POLE: variants seen among roughly 807,000 people sequenced by gnomAD.
POLE encodes DNA polymerase epsilon, catalytic subunit.
A neutral mutation model predicts 279.2 loss-of-function variants in POLE; 188 were observed. The ratio of observed to expected loss-of-function variants is 0.67; its 90% CI spans 0.60 to 0.76. The LOEUF (loss-of-function observed/expected upper bound fraction) is 0.76, where lower values mean the gene tolerates loss of function less well. Ranked by LOEUF, POLE falls within the 30% of genes least tolerant of loss-of-function variation. The pLI is 0.00. For synonymous variants in POLE, 1,214 were observed against 1,172.5 expected, an observed-to-expected ratio of 1.04 and a Z score of -0.72; for missense variants, 2,703 against 3,016.7, an observed-to-expected ratio of 0.90 and a Z score of 2.44.
intron 16 of POLE, among the ~76,000 whole-genome samples, chr12:132,669,759 G>A (rs965088079): frequency 1.3e-5 from 2 of 152,186 alleles, no homozygotes; most frequent in Admixed American, 6.5e-5. Flanking sequence ...TTCCATGGTG[G>A]GGACACCACC....
rs185739594 is a variant in POLE, at chr12:132,634,073, G to A, written c.6004+113C>T. 54 of 1,000,352 alleles carry A rather than the reference G, an allele frequency of 5.4e-5. No individual in the cohort carries two copies. The East Asian group carries it at 1.2e-3, about 22-fold the overall frequency. The allele number at this position is 1,000,352 out of a possible 1,614,324, so 62.0% of individuals were successfully genotyped here. On this transcript the variant is annotated intron_variant, in intron 43 of 48. Coordinates refer to ENST00000320574, the MANE Select transcript of POLE (RefSeq NM_006231.4). This position sits in a 1 kb window ranked among gnomAD's most constrained non-coding sequence, Gnocchi z 4.0. ...AAGTCCCAACTGCTGGGCAGGCTCC[G>A]CCCGATCTGATTTTCCCTGTCTCCC...
In POLE at chr12:132,675,516, G is replaced by A. The variant is rs576578672; in HGVS notation, c.1108C>T (p.Pro370Ser). The change falls in exon 12 of 49, where the codon CCA becomes TCA. Residue 370 changes from proline to serine, a missense_variant and splice_region_variant. Coordinates refer to ENST00000320574, the MANE Select transcript of POLE (RefSeq NM_006231.4). This position sits in a 1 kb window ranked among gnomAD's most constrained non-coding sequence, Gnocchi z 4.3. ...ACTGCTGCCCGGGCCTCCACAAATG[G>A]CCTGGGTTGGAAAGAGGACAGACAA... The part of the protein sequence containing the change: ...VTYNGDFFDW[P>S]FVEARAAVHG... The A allele has an allele frequency of 6.2e-7, 1 of 1,613,992 alleles. No homozygotes were observed. Among genetic ancestry groups the A allele is most frequent in the African/African-American group, 1.3e-5 (1 of 75,048 alleles).
chr12:132,625,581 G>C (rs5745076), intron 47 of POLE, 64 bp downstream of exon 47: 31 of 1,592,170 alleles, frequency 1.9e-5, no homozygotes, highest in Non-Finnish European at 2.6e-5. Context: ...CCCGGCTCCC[G>C]GGAGTGCACA....
rs749194160 is a variant in POLE, at chr12:132,668,395, G to C, written c.2134C>G (p.Arg712Gly). 3 of 1,609,520 alleles carry C rather than the reference G, an allele frequency of 1.9e-6. No homozygotes were observed. The highest frequency in any genetic ancestry group is 2.5e-6 in the Non-Finnish European group (3 of 1,177,530). Residue 712 changes from arginine to glycine, a missense_variant, in exon 19 of 49, where the codon CGC (arginine) becomes GGC (glycine). Arg to Gly is a moderately radical substitution (Grantham distance 125, BLOSUM62 -2). Coordinates refer to ENST00000320574, the MANE Select transcript of POLE (RefSeq NM_006231.4). This position sits in a 1 kb window ranked among gnomAD's most constrained non-coding sequence, Gnocchi z 4.0. ...TTCTCGTATTTCGCCTGTTCCTCGC[G>C]GGACAGTTCATGAAAGGCCCGAGCT... ...GPARAFHELSREEQAKYEKRR... is the reference protein window; with the variant it reads ...GPARAFHELSGEEQAKYEKRR...
chr12:132,634,526 T>C lies in POLE; in HGVS notation c.5812-148A>G. On this transcript the variant is annotated intron_variant, in intron 42 of 48. Transcript: ENST00000320574. The surrounding 1 kb of genome is among the most constrained non-coding windows in gnomAD (Gnocchi z 4.0). Reference sequence around the variant, plus strand: ...CGCAGTCAAGGCATCCCCTGGAGCCTGCGTGAATCCCCCAGGGTGGCTCCC... The same window carrying C: ...CGCAGTCAAGGCATCCCCTGGAGCCCGCGTGAATCCCCCAGGGTGGCTCCC... 1 of 779,388 alleles carries C rather than the reference T, an allele frequency of 1.3e-6. No homozygotes were observed. The highest frequency in any genetic ancestry group is 3.9e-4 in the Middle Eastern group (1 of 2,554). The allele number at this position is 779,388 out of a possible 1,614,324, so 48.3% of individuals were successfully genotyped here.
intron 12 of POLE, among the ~76,000 whole-genome samples, chr12:132,674,967 C>A (rs773013540): frequency 1.3e-5 from 2 of 152,068 alleles, no homozygotes; most frequent in African/African-American, 2.4e-5. Context: ...CATGTCAGAG[C>A]CCCCGAACGC....
At chr12:132,649,640 C>A in intron 30 of POLE, 37 bp downstream of exon 30, 1 of 1,610,668 alleles carries the variant, frequency 6.2e-7, no homozygotes, top group Non-Finnish European at 8.5e-7. Context: ...TGTGCAGACC[C>A]CTCAGAGACA....
rs753680242 is a variant in POLE at position 132,639,149 on chromosome 12, T to C, written c.5528A>G (p.Asn1843Ser). Reference sequence around the variant, plus strand: ...CTGCAGGAAGAGCTTCTTCATCATGTTGTGGAGTGTGCGGTGCAGGGCAGG... The same window carrying C: ...CTGCAGGAAGAGCTTCTTCATCATGCTGTGGAGTGTGCGGTGCAGGGCAGG... ...HDPALHRTLH[N>S]MMKKLFLQLI... Residue 1843 changes from asparagine (N) to serine (S), a missense_variant, in exon 40 of 49, where the codon AAC becomes AGC. Transcript: ENST00000320574. This position sits in a 1 kb window ranked among gnomAD's most constrained non-coding sequence, Gnocchi z 4.7. The C allele has an allele frequency of 1.9e-6, 3 of 1,613,924 alleles. No homozygotes were observed. The highest frequency in any genetic ancestry group is 8.5e-7 in the Non-Finnish European group (1 of 1,179,976).
chr12:132,665,034 A>G (rs980213751), intron 21 of POLE, among the ~76,000 whole-genome samples: 1 of 152,124 alleles, frequency 6.6e-6, no homozygotes, highest in Non-Finnish European at 1.5e-5. Context: ...ACGCGCTGGA[A>G]AATGGCAAGT....
At position 132,634,067 on chromosome 12, in the gene POLE, G is replaced by A; in HGVS notation, c.6004+119C>T. Reference sequence around the variant, plus strand: ...CTCACAAAGTCCCAACTGCTGGGCAGGCTCCGCCCGATCTGATTTTCCCTG... The same window carrying A: ...CTCACAAAGTCCCAACTGCTGGGCAAGCTCCGCCCGATCTGATTTTCCCTG... On this transcript the variant is annotated intron_variant, in intron 43 of 48. Coordinates refer to ENST00000320574, the MANE Select transcript of POLE (RefSeq NM_006231.4). The surrounding 1 kb of genome is among the most constrained non-coding windows in gnomAD (Gnocchi z 4.0). The A allele has an allele frequency of 1.1e-6, 1 of 940,084 alleles. No individual in the cohort carries two copies. The highest frequency in any genetic ancestry group is 1.6e-5 in the South Asian group (1 of 61,764). 58.2% of individuals were successfully genotyped at this position (940,084 alleles called of 1,614,324 possible). A position where few individuals can be genotyped will look rare whatever the true frequency, so the allele number is the denominator to read the frequency against.
At position 132,642,318 on chromosome 12, in the gene POLE, G is replaced by A. The variant is rs1301816028; in HGVS notation, c.5032C>T (p.Gln1678Ter). The A allele has an allele frequency of 6.3e-7, 1 of 1,598,748 alleles. No homozygotes were observed. Among genetic ancestry groups the A allele is most frequent in the Non-Finnish European group, 8.5e-7 (1 of 1,172,348 alleles). Residue 1678 changes from glutamine to a stop codon, truncating the protein, a stop_gained, in exon 38 of 49, where the codon CAG (glutamine) becomes TAG (stop). Coordinates refer to ENST00000320574, the MANE Select transcript of POLE (RefSeq NM_006231.4). LOFTEE classifies it high-confidence loss of function. Reference protein sequence around the residue: ...GSDLFFARHLQRHNHLLWLSP... With the variant: ...GSDLFFARHL ...AGCCAGAGCAGGTGGTTGTGGCGCT[G>A]GAGGTGGCGGGCAAAGAAGAGGTCG...
rs868014776 is a variant in POLE, at chr12:132,624,640, G to C, written c.*57C>G. On this transcript the variant is annotated 3_prime_UTR_variant, in exon 49 of 49. Transcript: ENST00000320574. ...CTGGTCACTGGAAGCACGGGGATGTGGCCTTGGCATCAGGAGGCCTGGCAC... is the reference window on the plus strand; with the variant it reads ...CTGGTCACTGGAAGCACGGGGATGTCGCCTTGGCATCAGGAGGCCTGGCAC... 1.8e-5 allele frequency: 17 copies of C among 954,706 alleles called. No homozygotes were observed. The highest frequency in any genetic ancestry group is 3.0e-4 in the Middle Eastern group (1 of 3,344). 59.1% of individuals were successfully genotyped at this position (954,706 alleles called of 1,614,324 possible).
chr12:132,653,337 C>T (rs113601620), intron 29 of POLE, among the ~76,000 whole-genome samples: 8 of 152,150 alleles, frequency 5.3e-5, no homozygotes, highest in East Asian at 3.9e-4. Flanking sequence ...ATCTTGCCAC[C>T]GCACTCTAGC....
chr12:132,645,961 T>C (rs1441443991), intron 32 of POLE, among the ~76,000 whole-genome samples: 1 of 152,210 alleles, frequency 6.6e-6, no homozygotes, highest in Non-Finnish European at 1.5e-5. Flanking sequence ...AAGCTTGGTT[T>C]CTCAACATAA....
intron 41 of POLE, 38 bp downstream of exon 41, chr12:132,637,976 A>C: frequency 6.2e-7 from 1 of 1,608,070 alleles, no homozygotes; most frequent in Non-Finnish European, 8.5e-7. Flanking sequence ...TCCCTCTCAA[A>C]GCCACAGTGC....
chr12:132,658,173 C>T (rs555107477), intron 26 of POLE: 74 of 511,154 alleles, frequency 1.4e-4, no homozygotes, highest in South Asian at 1.2e-3. Context: ...TAAACACGTG[C>T]GTGTGTGCAC....
In POLE at chr12:132,661,599, A is replaced by G. The variant is rs376546593; in HGVS notation, c.2792T>C (p.Phe931Ser). The G allele has an allele frequency of 1.7e-5, 27 of 1,614,072 alleles. No individual in the cohort carries two copies. Among genetic ancestry groups the G allele is most frequent in the Non-Finnish European group, 3.4e-6 (4 of 1,180,040 alleles). Residue 931 changes from phenylalanine (F) to serine (S), a missense_variant, in exon 24 of 49, where the codon TTT becomes TCT. This residue lies in a region of POLE where 101 missense variants were observed against 115.4 expected (regional missense o/e 0.87). Transcript: ENST00000320574. This position sits in a 1 kb window ranked among gnomAD's most constrained non-coding sequence, Gnocchi z 4.1. ...YVTRSENSIF[F>S]EVDGPYLAMI... ...GGCAAGGTAGGGCCCATCAACCTCA[A>G]AAAAGATGCTGTTCTCTGAGCGGGT...
At chr12:132,635,864 C>G (rs2138484040) in intron 42 of POLE, 28 bp downstream of exon 42, 1 of 1,590,630 alleles carries the variant, frequency 6.3e-7, no homozygotes, top group Non-Finnish European at 8.6e-7. Flanking sequence ...CCAAAGCTGG[C>G]TCGGGTGCCA....
rs765384248 is a variant in POLE, at chr12:132,679,955, A to G, written c.422T>C (p.Leu141Ser). ...CTGGAAAGTCTGGGTGATACTCACCAAGTCCAGATCCTCTTTGGGGACAGT... is the reference window on the plus strand; with the variant it reads ...CTGGAAAGTCTGGGTGATACTCACCGAGTCCAGATCCTCTTTGGGGACAGT... ...VETVPKEDLDLPNHLVGLKRN... is the reference protein window; with the variant it reads ...VETVPKEDLDSPNHLVGLKRN... Residue 141 changes from leucine (L) to serine (S), a missense_variant and splice_region_variant, in exon 5 of 49, where the codon TTG (leucine) becomes TCG (serine). Leu to Ser is a moderately radical substitution (Grantham distance 145, BLOSUM62 -2). Around this residue, in one of 5 missense-constraint regions of POLE, gnomAD observed 1,011 missense variants for 1,111.7 expected, o/e 0.91. Transcript: ENST00000320574. 1.2e-6 allele frequency: 2 copies of G among 1,608,168 alleles called. No individual in the cohort carries two copies. The highest frequency in any genetic ancestry group is 1.7e-6 in the Non-Finnish European group (2 of 1,175,314).
Sources: gnomAD v4.1 joint callset for allele counts (sites outside exome capture counted in the v4.1 genomes callset) on GRCh38, gnomAD v4.1.1 for gene constraint, gnomAD v4.1.1 regional missense constraint, Gnocchi (gnomAD v3.1) non-coding constraint, MANE v1.5 for transcripts, NCBI Gene and HGNC (gene_info 2026-07-23, HGNC 2026-07-21) for gene names.